The following GCKR variants were observed in gnomAD, a reference collection of about 807,000 sequenced individuals.
The protein encoded by GCKR is glucokinase regulatory protein.
Under a neutral mutation model 82.9 loss-of-function variants are expected in GCKR, and 73 were observed. The ratio of observed to expected loss-of-function variants is 0.88; its 90% CI spans 0.73 to 1.07. The LOEUF is 1.07. GCKR is among the 50% of genes least tolerant of loss of function. GCKR has a pLI of 0.00. For missense variants in GCKR, 784 were observed against 782.1 expected, an observed-to-expected ratio of 1.00 and a Z score of -0.03; for synonymous variants, 294 against 291.8, an observed-to-expected ratio of 1.01 and a Z score of -0.08.
intron 16 of GCKR, among the ~76,000 whole-genome samples, chr2:27,513,172 T>C (rs1013077822): frequency 9.9e-5 from 15 of 152,204 alleles, no homozygotes; most frequent in Non-Finnish European, 1.9e-4. Context: ...TGGTAGTTTT[T>C]CAATGGTGAT....
intron 16 of GCKR, among the ~76,000 whole-genome samples, chr2:27,508,833 A>T (rs899751796): frequency 6.6e-6 from 1 of 150,392 alleles, no homozygotes; most frequent in Non-Finnish European, 1.5e-5. Flanking sequence ...AATTCTTGAT[A>T]CCAAAGTCAT....
intron 12 of GCKR, 41 bp from the exon 13 acceptor site, chr2:27,507,194 A>G: frequency 7.4e-7 from 1 of 1,346,714 alleles, no homozygotes; most frequent in African/African-American, 1.4e-5. Flanking sequence ...CCTTTCCTAT[A>G]TAGCCAATCA....
intron 16 of GCKR, among the ~76,000 whole-genome samples, chr2:27,512,262 G>C (rs1323922944): frequency 6.8e-6 from 1 of 148,086 alleles, no homozygotes; most frequent in Non-Finnish European, 1.5e-5. Context: ...AAAAAGCCGG[G>C]CGTGGTGGCT....
intron 16 of GCKR, among the ~76,000 whole-genome samples, chr2:27,511,615 G>A (rs560218806): frequency 6.6e-6 from 1 of 151,720 alleles, no homozygotes; most frequent in East Asian, 2.0e-4. Flanking sequence ...AGGAGAAGCC[G>A]AGGTTGCAGT....
At chr2:27,499,041 T>C (rs900675420) in intron 5 of GCKR, 101 bp from the exon 6 acceptor site, 24 of 790,286 alleles carry the variant, frequency 3.0e-5, no homozygotes, top group Admixed American at 2.6e-4. Context: ...CATTCAATGA[T>C]AGTTTTCCCT....
At chr2:27,498,384 A>G (rs1669476200) in intron 4 of GCKR, 61 bp downstream of exon 4, 1 of 1,290,552 alleles carries the variant, frequency 7.7e-7, no homozygotes, top group Non-Finnish European at 1.1e-6. Context: ...CCTCAGGACC[A>G]TAAAGATCAT....
At chr2:27,517,726 G>C (rs1670044455) in intron 16 of GCKR, among the ~76,000 whole-genome samples, 1 of 152,186 alleles carries the variant, frequency 6.6e-6, no homozygotes, top group Non-Finnish European at 1.5e-5. Context: ...GTGCCCCAAG[G>C]TGGACAAGAT....
intron 5 of GCKR, 42 bp from the exon 6 acceptor site, chr2:27,499,100 G>T (rs1309416237): frequency 1.6e-6 from 2 of 1,223,974 alleles, no homozygotes; most frequent in African/African-American, 3.0e-5. Context: ...ATAGGCTTCT[G>T]CTTTCCAGCC....
At chr2:27,511,445 C>T (rs543585771) in intron 16 of GCKR, among the ~76,000 whole-genome samples, 116 of 151,926 alleles carry the variant, frequency 7.6e-4, no homozygotes, top group African/African-American at 2.7e-3. Flanking sequence ...GCCTGTAATC[C>T]CAGCACTTTG....
In GCKR at chr2:27,507,962, C is replaced by T; in HGVS notation, c.1241-15C>T. 2 of 1,575,488 alleles carry T rather than the reference C, an allele frequency of 1.3e-6. No individual in the cohort carries two copies. Among genetic ancestry groups the T allele is most frequent in the Non-Finnish European group, 1.7e-6 (2 of 1,144,948 alleles). On this transcript the variant is annotated splice_polypyrimidine_tract_variant and intron_variant, in intron 14 of 18. Coordinates refer to ENST00000264717, the MANE Select transcript of GCKR (RefSeq NM_001486.4). ...CAGCCAGCCTTTCGACTCTGATGCC[C>T]TCCCCTTCTCCTAGACAACCTCACG...
intron 16 of GCKR, among the ~76,000 whole-genome samples, chr2:27,515,993 T>TCTCAAATCCCTGGC (rs1323660125): frequency 6.7e-6 from 1 of 148,994 alleles, no homozygotes; most frequent in East Asian, 2.0e-4. Context: ...CACACGCTGG[T>TCTCAAATCCCTGGC]CTCAAATCCC....
At position 27,497,379 on chromosome 2, in the gene GCKR, C is replaced by A. The variant is rs1306623217; in HGVS notation, c.196C>A (p.Gln66Lys). Residue 66 changes from glutamine to lysine, a missense_variant, in exon 2 of 19, where the codon CAA (glutamine) becomes AAA (lysine). Gln to Lys is a moderately conservative substitution (Grantham distance 53). Transcript: ENST00000264717. Reference sequence around the variant, plus strand: ...TGCTGAGATCTTCCAGGAGGAGGGGCAAGCCCTGTCCACATACCAGGTAAC... The same window carrying A: ...TGCTGAGATCTTCCAGGAGGAGGGGAAAGCCCTGTCCACATACCAGGTAAC... ...CDAEIFQEEG[Q>K]ALSTYQRLYS... The A allele has an allele frequency of 1.9e-6, 3 of 1,613,956 alleles. No individual in the cohort carries two copies. The highest frequency in any genetic ancestry group is 1.7e-5 in the Admixed American group (1 of 60,010).
At chr2:27,519,009 G>A (rs1036235474) in intron 17 of GCKR, 72 bp downstream of exon 17, 7 of 1,375,310 alleles carry the variant, frequency 5.1e-6, no homozygotes, top group South Asian at 4.7e-5. Context: ...AGGGCATTTT[G>A]TAGAGATATG....
At chr2:27,509,314 G>A (rs2148586837) in intron 16 of GCKR, among the ~76,000 whole-genome samples, 1 of 152,260 alleles carries the variant, frequency 6.6e-6, no homozygotes, top group East Asian at 1.9e-4. Flanking sequence ...CCTGAACAGG[G>A]AATCCACTCT....
intron 16 of GCKR, among the ~76,000 whole-genome samples, chr2:27,510,448 AC>A (rs1270569689): frequency 6.6e-6 from 1 of 152,192 alleles, no homozygotes; most frequent in Non-Finnish European, 1.5e-5. Context: ...CCTTATAAAC[AC>A]ATCTTTTAGG....
At position 27,497,337 on chromosome 2, in the gene GCKR, C is replaced by T. The variant is rs1669439164; in HGVS notation, c.154C>T (p.Leu52=). 1.2e-6 allele frequency: 2 copies of T among 1,614,112 alleles called. No homozygotes were observed. The highest frequency in any genetic ancestry group is 2.7e-5 in the African/African-American group (2 of 74,934). Residue 52 remains leucine, a synonymous_variant, in exon 2 of 19, where the codon CTG becomes TTG. Transcript: ENST00000264717. Reference sequence around the variant, plus strand: ...AGCAGATGCTGAGAACATTGTTCGACTGCTAGGGCAATGTGATGCTGAGAT... The same window carrying T: ...AGCAGATGCTGAGAACATTGTTCGATTGCTAGGGCAATGTGATGCTGAGAT... ...DKADAENIVR[L]LGQCDAEIFQ...
chr2:27,508,184 T>C lies in GCKR; in HGVS notation c.1355T>C (p.Leu452Pro). 6.2e-7 allele frequency: 1 copy of C among 1,611,902 alleles called. No individual in the cohort carries two copies. The highest frequency in any genetic ancestry group is 8.5e-7 in the Non-Finnish European group (1 of 1,177,936). Residue 452 changes from leucine (L) to proline (P), a missense_variant, in exon 16 of 19, where the codon CTC becomes CCC. Coordinates refer to ENST00000264717, the MANE Select transcript of GCKR (RefSeq NM_001486.4). ...TCTCTCCAGATCCCTCTGAAGAAGCTCTTTCCCTCCATCATCAGCATCACA... is the reference window on the plus strand; with the variant it reads ...TCTCTCCAGATCCCTCTGAAGAAGCCCTTTCCCTCCATCATCAGCATCACA... The part of the protein sequence containing the change: ...GQTLLIPLKK[L>P]FPSIISITWP...
At chr2:27,510,213 G>T (rs1044124309) in intron 16 of GCKR, among the ~76,000 whole-genome samples, 4 of 151,798 alleles carry the variant, frequency 2.6e-5, no homozygotes, top group Non-Finnish European at 5.9e-5. Context: ...GTTTCACCGT[G>T]TTAGCCAGGA....
chr2:27,499,918 C>T (rs1207529066), intron 7 of GCKR, among the ~76,000 whole-genome samples: 18 of 150,190 alleles, frequency 1.2e-4, no homozygotes, highest in African/African-American at 2.9e-4. Flanking sequence ...CCACAATGCC[C>T]GGCTAATTTT....
Sources: allele counts gnomAD v4.1 joint callset (sites outside exome capture counted in the v4.1 genomes callset), GRCh38; gene constraint gnomAD v4.1.1; transcripts MANE v1.5; gene names NCBI Gene and HGNC (gene_info 2026-07-23, HGNC 2026-07-21).